Variants in FGD3 observed in about 807,000 individuals in gnomAD.
FGD3 encodes FYVE, RhoGEF and PH domain-containing protein 3.
FGD3 carries 45 observed loss-of-function variants against 71.8 expected under a neutral mutation model. That is an observed-to-expected ratio of 0.63 (90% CI 0.49 to 0.80). FGD3 has a LOEUF of 0.80. Ranked by LOEUF, FGD3 falls within the 30% of genes least tolerant of loss-of-function variation. FGD3 has a pLI of 0.00. For synonymous variants in FGD3, 378 were observed against 392.8 expected (o/e 0.96, Z 0.44); for missense variants, 844 against 951.5 (o/e 0.89, Z 1.49).
intron 16 of FGD3, 41 bp downstream of exon 16, chr9:93,032,914 C>T: frequency 6.4e-7 from 1 of 1,560,046 alleles, no homozygotes; most frequent in South Asian, 1.1e-5. Flanking sequence ...GGTGGCGCGG[C>T]AGAGCCTCCA....
At position 92,969,250 on chromosome 9, in the gene FGD3, G is replaced by A. The variant is rs1402743983; in HGVS notation, c.-217-5988G>A. Among the ~76,000 whole-genome samples, 1 of 152,232 alleles carries A rather than the reference G, an allele frequency of 6.6e-6. No homozygotes were observed. Among genetic ancestry groups the A allele is most frequent in the Non-Finnish European group, 1.5e-5 (1 of 68,032 alleles). On this transcript the variant is annotated intron_variant, in intron 1 of 17. Transcript: ENST00000375482. The surrounding 1 kb of genome is among the most constrained non-coding windows in gnomAD (Gnocchi z 4.5). Reference sequence around the variant, plus strand: ...CATAAGGCTTCCCCCAAAGGCTTCAGGCCTGGCTGCCACCTGCTGTCGGCG... The same window carrying A: ...CATAAGGCTTCCCCCAAAGGCTTCAAGCCTGGCTGCCACCTGCTGTCGGCG...
At chr9:93,019,411 A>G (rs1861827944) in intron 11 of FGD3, among the ~76,000 whole-genome samples, 1 of 152,202 alleles carries the variant, frequency 6.6e-6, no homozygotes, top group Non-Finnish European at 1.5e-5. Context: ...GTGTTTCTGC[A>G]TATGTGTAAT....
intron 3 of FGD3, among the ~76,000 whole-genome samples, chr9:92,992,212 G>A (rs954858317): frequency 6.6e-6 from 1 of 152,142 alleles, no homozygotes; most frequent in Admixed American, 6.5e-5. Context: ...TGGTTGTTTT[G>A]TATATCCTTT....
At chr9:92,951,101 C>G (rs958845855) in intron 1 of FGD3, among the ~76,000 whole-genome samples, 2 of 152,292 alleles carry the variant, frequency 1.3e-5, no homozygotes, top group East Asian at 1.9e-4. Flanking sequence ...GGGTCCCGCT[C>G]TAGGTCTAGT....
At chr9:93,016,320 G>A (rs973811368) in intron 10 of FGD3, among the ~76,000 whole-genome samples, 1 of 150,632 alleles carries the variant, frequency 6.6e-6, no homozygotes, top group African/African-American at 2.4e-5. Context: ...CTGTAGCATG[G>A]TCCAGAATGA....
At chr9:92,979,367 A>G (rs144430938) in intron 3 of FGD3, among the ~76,000 whole-genome samples, 1 of 152,224 alleles carries the variant, frequency 6.6e-6, no homozygotes. Context: ...TGAGATGATC[A>G]TGTGGCTTTT....
chr9:92,998,923 G>T (rs1860750899), intron 3 of FGD3, among the ~76,000 whole-genome samples: 1 of 152,176 alleles, frequency 6.6e-6, no homozygotes, highest in Admixed American at 6.5e-5. Context: ...GGGGGTCAGG[G>T]ACCCACTTGA....
intron 7 of FGD3, among the ~76,000 whole-genome samples, chr9:93,010,927 G>C (rs1024252590): frequency 2.6e-5 from 4 of 152,016 alleles, no homozygotes; most frequent in African/African-American, 7.2e-5. Context: ...GCTGCTCCTG[G>C]TCCAAGGGCA....
At chr9:92,967,569 C>G (rs1228832428) in intron 1 of FGD3, among the ~76,000 whole-genome samples, 2 of 152,084 alleles carry the variant, frequency 1.3e-5, no homozygotes, top group Non-Finnish European at 2.9e-5. Context: ...GTCAGAATTT[C>G]CTTCCGGTTT....
chr9:92,987,876 G>A (rs1363833544), intron 3 of FGD3, among the ~76,000 whole-genome samples: 3 of 152,172 alleles, frequency 2.0e-5, no homozygotes. Context: ...GCATGCATGA[G>A]TCCATTTATC....
intron 10 of FGD3, 108 bp from the exon 11 acceptor site, chr9:93,018,028 C>A: frequency 1.9e-6 from 2 of 1,037,442 alleles, no homozygotes; most frequent in Non-Finnish European, 3.0e-6. Flanking sequence ...GGGCTGCAGG[C>A]TCACCTCTGT....
chr9:93,006,427 A>C (rs930483571), intron 6 of FGD3, among the ~76,000 whole-genome samples: 1 of 152,220 alleles, frequency 6.6e-6, no homozygotes, highest in African/African-American at 2.4e-5. Flanking sequence ...ATCGTGGCTC[A>C]AGAGGCTGTG....
intron 3 of FGD3, among the ~76,000 whole-genome samples, chr9:92,995,230 G>GAA (rs917656896): frequency 2.0e-5 from 3 of 152,250 alleles, no homozygotes; most frequent in African/African-American, 7.2e-5. Flanking sequence ...TATTCCCTTT[G>GAA]AAGCAATTGT....
At chr9:92,990,279 A>C (rs1278509070) in intron 3 of FGD3, among the ~76,000 whole-genome samples, 1 of 152,222 alleles carries the variant, frequency 6.6e-6, no homozygotes, top group Non-Finnish European at 1.5e-5. Context: ...CTATACAAAA[A>C]AATTAAAAAG....
At chr9:93,000,746 TTATAA>T (rs1860829709) in intron 3 of FGD3, among the ~76,000 whole-genome samples, 1 of 152,204 alleles carries the variant, frequency 6.6e-6, no homozygotes, top group African/African-American at 2.4e-5. Context: ...AGTTATATAA[TTATAA>T]TATGTCTTGG....
chr9:93,015,092 G>A (rs1301763648), intron 9 of FGD3, among the ~76,000 whole-genome samples: 1 of 152,168 alleles, frequency 6.6e-6, no homozygotes, highest in Non-Finnish European at 1.5e-5. Flanking sequence ...GATGAGTCTG[G>A]CTCCTTTAGC....
At position 92,948,175 on chromosome 9, in the gene FGD3, C is replaced by T. The variant is rs181166521; in HGVS notation, c.-218+446C>T. ...TCTGCTTGAAAAAAAGAACACATATCATTGCCTGGGCGATTGCCATGGCAA... is the reference window on the plus strand; with the variant it reads ...TCTGCTTGAAAAAAAGAACACATATTATTGCCTGGGCGATTGCCATGGCAA... On this transcript the variant is annotated intron_variant, in intron 1 of 17. Coordinates refer to ENST00000375482, the MANE Select transcript of FGD3 (RefSeq NM_001083536.2). Among the ~76,000 whole-genome samples the T allele has an allele frequency of 1.1e-4, 17 of 152,312 alleles. No homozygotes were observed. The East Asian group carries it at 3.1e-3, about 28-fold the overall frequency.
intron 1 of FGD3, among the ~76,000 whole-genome samples, chr9:92,963,338 C>T (rs1214662976): frequency 1.3e-5 from 2 of 152,106 alleles, no homozygotes; most frequent in Non-Finnish European, 2.9e-5. Context: ...CTCTTTCTGT[C>T]CCCCAGGCTG....
intron 8 of FGD3, 106 bp from the exon 9 acceptor site, chr9:93,013,746 C>T (rs1478493169): frequency 4.2e-6 from 6 of 1,424,774 alleles, no homozygotes; most frequent in Middle Eastern, 2.0e-4. Flanking sequence ...TAGCTCATTG[C>T]CCTCTCTGGA....
Sources: allele counts gnomAD v4.1 joint callset (sites outside exome capture counted in the v4.1 genomes callset), GRCh38; gene constraint gnomAD v4.1.1; non-coding constraint Gnocchi (gnomAD v3.1); transcripts MANE v1.5; gene names NCBI Gene and HGNC (gene_info 2026-07-23, HGNC 2026-07-21).